The following TBL1X variants were observed in gnomAD, a reference collection of about 807,000 sequenced individuals.
TBL1X encodes the protein F-box-like/WD repeat-containing protein TBL1X.
Under a neutral mutation model 50.7 loss-of-function variants are expected in TBL1X, and 10 were observed. The ratio of observed to expected loss-of-function variants is 0.20; its 90% CI spans 0.12 to 0.33. The LOEUF (loss-of-function observed/expected upper bound fraction) is 0.33, where lower values mean the gene tolerates loss of function less well. TBL1X is among the 10% of genes least tolerant of loss of function. The probability of loss-of-function intolerance (pLI) is 1.00; values close to 1 mark genes in which losing one functional copy is unlikely to be tolerated. For synonymous variants in TBL1X, 190 were observed against 214.7 expected, an observed-to-expected ratio of 0.88 and a Z score of 1.01; for missense variants, 340 against 504.4, an observed-to-expected ratio of 0.67 and a Z score of 3.12.
At chrX:9,531,354 G>GGTGTGTGTGTGTGTGTGTGTGTGTGTGT (rs57905343) in intron 2 of TBL1X, among the ~76,000 whole-genome samples, 1 of 75,225 alleles carries the variant, frequency 1.3e-5, no homozygotes, top group Non-Finnish European at 2.6e-5. Context: ...GAACCTGGAG[G>GGTGTGTGTGTGTGTGTGTGTGTGTGTGT]GTGTGTGTGT....
intron 3 of TBL1X, among the ~76,000 whole-genome samples, chrX:9,643,504 A>G (rs1448306466): frequency 2.7e-5 from 3 of 111,482 alleles, no homozygotes; most frequent in Non-Finnish European, 5.6e-5. Context: ...TGATGCTTTT[A>G]GTTTTTTCCT....
At chrX:9,691,748 G>A in intron 8 of TBL1X, 37 bp downstream of exon 8, 1 of 1,198,876 alleles carries the variant, frequency 8.3e-7, no homozygotes, top group Non-Finnish European at 1.1e-6. Context: ...CCAGAGTTGG[G>A]GAGATGGGAG....
At chrX:9,609,289 A>C (rs1158172198) in intron 2 of TBL1X, among the ~76,000 whole-genome samples, 1 of 109,581 alleles carries the variant, frequency 9.1e-6, no homozygotes, top group East Asian at 2.9e-4. Context: ...CTATAAACCC[A>C]CCCCTAGAAG....
intron 2 of TBL1X, among the ~76,000 whole-genome samples, chrX:9,615,313 G>T (rs998841567): frequency 2.7e-5 from 3 of 112,079 alleles, no homozygotes; most frequent in Non-Finnish European, 5.6e-5. Flanking sequence ...GCTTCCTCAT[G>T]ATGGGGAACC....
intron 2 of TBL1X, among the ~76,000 whole-genome samples, chrX:9,609,171 G>C (rs2082599463): frequency 8.9e-6 from 1 of 111,958 alleles, no homozygotes. Context: ...GGAAGTATTA[G>C]TAATTATTCT....
chrX:9,605,653 AAATC>A (rs1398547763), intron 2 of TBL1X, among the ~76,000 whole-genome samples: 2 of 112,508 alleles, frequency 1.8e-5, no homozygotes. Context: ...AGAAAAAAGA[AAATC>A]AGTCTGGTTT....
At chrX:9,657,460 G>T (rs1302652442) in intron 5 of TBL1X, among the ~76,000 whole-genome samples, 1 of 112,338 alleles carries the variant, frequency 8.9e-6, no homozygotes, top group Non-Finnish European at 1.9e-5. Flanking sequence ...GATGTATTAG[G>T]CTGCAAGGAG....
chrX:9,628,417 T>C (rs752718849), intron 2 of TBL1X, among the ~76,000 whole-genome samples: 2 of 111,641 alleles, frequency 1.8e-5, no homozygotes, highest in South Asian at 7.6e-4. Flanking sequence ...ATTTCCCCAA[T>C]ATAAACATGC....
intron 5 of TBL1X, among the ~76,000 whole-genome samples, chrX:9,670,419 A>C (rs781602452): frequency 8.1e-5 from 9 of 111,190 alleles, no homozygotes; most frequent in Non-Finnish European, 1.7e-4. Flanking sequence ...CTAATCTCTA[A>C]GCCTTCGGAG....
chrX:9,492,645 G>A (rs984426165), intron 1 of TBL1X, among the ~76,000 whole-genome samples: 8 of 111,524 alleles, frequency 7.2e-5, no homozygotes, highest in African/African-American at 2.6e-4. Flanking sequence ...TGAGCGTTTT[G>A]TGGAGGTCTG....
chrX:9,609,140 A>G (rs1322108870), intron 2 of TBL1X, among the ~76,000 whole-genome samples: 3 of 112,125 alleles, frequency 2.7e-5, no homozygotes, highest in African/African-American at 6.5e-5. Context: ...CTATCGTGTA[A>G]TCTGATGAAT....
At chrX:9,524,360 C>T (rs960476799) in intron 2 of TBL1X, among the ~76,000 whole-genome samples, 1 of 111,929 alleles carries the variant, frequency 8.9e-6, no homozygotes, top group Non-Finnish European at 1.9e-5. Flanking sequence ...GTCTCGTAGT[C>T]CTGAAACTCC....
At chrX:9,580,231 A>T (rs750605907) in intron 2 of TBL1X, among the ~76,000 whole-genome samples, 1 of 112,191 alleles carries the variant, frequency 8.9e-6, no homozygotes, top group South Asian at 3.7e-4. Context: ...AAAGTTAAGG[A>T]TGCGCACCCA....
chrX:9,504,191 C>G (rs138111303), intron 2 of TBL1X, among the ~76,000 whole-genome samples: 1 of 111,005 alleles, frequency 9.0e-6, no homozygotes, highest in Non-Finnish European at 1.9e-5. Flanking sequence ...CTGCAGCAGC[C>G]CTACAGAAGA....
chrX:9,579,378 T>A (rs2082428408), intron 2 of TBL1X, among the ~76,000 whole-genome samples: 1 of 112,144 alleles, frequency 8.9e-6, no homozygotes. Context: ...ATGATTTCAA[T>A]TTTTACCACT....
intron 2 of TBL1X, among the ~76,000 whole-genome samples, chrX:9,582,022 A>G (rs927542763): frequency 1.8e-5 from 2 of 112,374 alleles, no homozygotes; most frequent in South Asian, 3.7e-4. Context: ...CATTAGGACA[A>G]TTAGACCCTG....
intron 2 of TBL1X, among the ~76,000 whole-genome samples, chrX:9,584,180 A>G (rs2082456588): frequency 8.9e-6 from 1 of 112,090 alleles, no homozygotes; most frequent in South Asian, 3.7e-4. Context: ...TTGGCAAAAG[A>G]TATCTGACCT....
chrX:9,672,448 G>A (rs1330057337), intron 5 of TBL1X, among the ~76,000 whole-genome samples: 1 of 111,931 alleles, frequency 8.9e-6, no homozygotes, highest in Non-Finnish European at 1.9e-5. Flanking sequence ...ACACAACACT[G>A]TCCCTCTTCC....
rs766562355 is a variant in TBL1X at position 9,622,463 on chromosome X, T to G, written c.-130-17810T>G. On this transcript the variant is annotated intron_variant, in intron 2 of 17. Coordinates refer to ENST00000645353, the MANE Select transcript of TBL1X (RefSeq NM_005647.4). ...ACCTGTGTCAGAATTTCATTCTTTT[T>G]TTTTGTTTTTGAAACTAAGTCTCAC... Among the ~76,000 whole-genome samples, 355 of 111,442 alleles carry G rather than the reference T, an allele frequency of 3.2e-3. 5 individuals carry two copies. The highest frequency in any genetic ancestry group is 0.011 in the African/African-American group (330 of 30,655).
Sources: gnomAD v4.1 joint callset for allele counts (sites outside exome capture counted in the v4.1 genomes callset) on GRCh38, gnomAD v4.1.1 for gene constraint, MANE v1.5 for transcripts, NCBI Gene and HGNC (gene_info 2026-07-23, HGNC 2026-07-21) for gene names.